SYT9: variants seen among roughly 807,000 people sequenced by gnomAD.
SYT9 encodes synaptotagmin 9.
SYT9 carries 22 observed loss-of-function variants against 48.4 expected under a neutral mutation model. The ratio of observed to expected loss-of-function variants is 0.45; its 90% confidence interval spans 0.32 to 0.65. The LOEUF (loss-of-function observed/expected upper bound fraction) is 0.65, where lower values mean the gene tolerates loss of function less well. Ranked by LOEUF, SYT9 falls within the 30% of genes least tolerant of loss-of-function variation. The pLI, the probability that SYT9 is intolerant of heterozygous loss-of-function variation, is 0.03. For synonymous variants in SYT9, 265 were observed against 245.0 expected (o/e 1.08, Z -0.76); for missense variants, 577 against 622.0 (o/e 0.93, Z 0.77).
At chr11:7,425,227 T>C (rs1211361802) in intron 6 of SYT9, among the ~76,000 whole-genome samples, 1 of 152,212 alleles carries the variant, frequency 6.6e-6, no homozygotes, top group East Asian at 1.9e-4. Context: ...GACCTGGACC[T>C]ACCTCAGCAG....
Position 7,325,426 on chromosome 11 carries a change from T to C in SYT9, c.1044+11485T>C, listed in dbSNP as rs1182901294. Among the ~76,000 whole-genome samples the C allele has an allele frequency of 9.9e-5, 13 of 131,078 alleles. No individual in the cohort carries two copies. In the East Asian group the frequency reaches 2.8e-3, roughly 28 times the overall value. 86.0% of individuals were successfully genotyped at this position (131,078 alleles called of 152,430 possible). A position where few individuals can be genotyped will look rare whatever the true frequency, so the allele number is the denominator to read the frequency against. ...TGGCTCTCTGTTTGTCTGTTGTTGG[T>C]GTATAGGAATGCTTGTGATTTTTGT... On this transcript the variant is annotated intron_variant, in intron 3 of 6. Coordinates refer to ENST00000318881, the MANE Select transcript of SYT9 (RefSeq NM_175733.4).
At chr11:7,281,667 C>T (rs1848494817) in intron 1 of SYT9, among the ~76,000 whole-genome samples, 1 of 152,152 alleles carries the variant, frequency 6.6e-6, no homozygotes, top group South Asian at 2.1e-4. Context: ...AAGTTTGAGA[C>T]TATCTGCCAC....
intron 3 of SYT9, among the ~76,000 whole-genome samples, chr11:7,414,943 G>A (rs970857474): frequency 1.3e-5 from 2 of 152,162 alleles, no homozygotes; most frequent in South Asian, 2.1e-4. Context: ...ACCTCAGCTC[G>A]ATAACCTCAG....
intron 3 of SYT9, among the ~76,000 whole-genome samples, chr11:7,403,962 TAAACATTTAG>T (rs1336248526): frequency 6.6e-6 from 1 of 152,182 alleles, no homozygotes; most frequent in African/African-American, 2.4e-5. Context: ...GTGAGGTGTG[TAAACATTTAG>T]AATTTTTATA....
intron 3 of SYT9, among the ~76,000 whole-genome samples, chr11:7,332,196 A>G (rs925688846): frequency 6.6e-6 from 1 of 152,172 alleles, no homozygotes; most frequent in Non-Finnish European, 1.5e-5. Flanking sequence ...CTGATGCCAC[A>G]AGGAGCTCTG....
rs1029290043 is a variant in SYT9, at chr11:7,295,027, T to C, written c.146-8012T>C. Reference sequence around the variant, plus strand: ...TCTCTGCTGGGGTGGATGATTAAGTTTGTGGTTCATACCTATACTAATCTC... The same window carrying C: ...TCTCTGCTGGGGTGGATGATTAAGTCTGTGGTTCATACCTATACTAATCTC... On this transcript the variant is annotated intron_variant, in intron 1 of 6. Coordinates refer to ENST00000318881, the MANE Select transcript of SYT9 (RefSeq NM_175733.4). Among the ~76,000 whole-genome samples, 40 of 152,242 alleles carry C rather than the reference T, an allele frequency of 2.6e-4. 1 individual carries two copies. The highest frequency in any genetic ancestry group is 5.1e-4 in the Non-Finnish European group (35 of 68,048).
intron 3 of SYT9, among the ~76,000 whole-genome samples, chr11:7,319,707 A>G (rs1437130570): frequency 1.3e-5 from 2 of 152,176 alleles, no homozygotes; most frequent in African/African-American, 4.8e-5. Flanking sequence ...TGTTGGGGAT[A>G]ATATCTGTTT....
At chr11:7,279,955 G>A (rs984572716) in intron 1 of SYT9, among the ~76,000 whole-genome samples, 2 of 152,164 alleles carry the variant, frequency 1.3e-5, no homozygotes, top group African/African-American at 4.8e-5. Context: ...TTTGCATCAG[G>A]TAAAGACCTT....
Position 7,350,015 on chromosome 11 carries a change from G to A in SYT9, c.1044+36074G>A, listed in dbSNP as rs574882238. On this transcript the variant is annotated intron_variant, in intron 3 of 6. Transcript: ENST00000318881. Reference sequence around the variant, plus strand: ...TGCTGCTTTCATCACACTCCACCCTGTGAGTCACTCATGCCAGGGGGGGAC... The same window carrying A: ...TGCTGCTTTCATCACACTCCACCCTATGAGTCACTCATGCCAGGGGGGGAC... Among the ~76,000 whole-genome samples, 111 of 152,286 alleles carry A rather than the reference G, an allele frequency of 7.3e-4. 1 individual carries two copies. The highest frequency in any genetic ancestry group is 2.5e-3 in the African/African-American group (105 of 41,542).
intron 3 of SYT9, among the ~76,000 whole-genome samples, chr11:7,369,782 C>CACACACACAA (rs1589977807): frequency 8.9e-6 from 1 of 111,962 alleles, no homozygotes; most frequent in East Asian, 2.8e-4. Flanking sequence ...ACACACCACA[C>CACACACACAA]ACACACACAC....
At chr11:7,391,735 T>TAAAACAAAAAAAA (rs1846615157) in intron 3 of SYT9, among the ~76,000 whole-genome samples, 1 of 35,940 alleles carries the variant, frequency 2.8e-5, no homozygotes. Context: ...ACCCCATCTC[T>TAAAACAAAAAAAA]AAAAAAAAAA....
chr11:7,283,065 G>A (rs1008273242), intron 1 of SYT9, among the ~76,000 whole-genome samples: 5 of 148,650 alleles, frequency 3.4e-5, no homozygotes, highest in Non-Finnish European at 7.4e-5. Context: ...CTAGTTTTAG[G>A]TTTCTGATAA....
At chr11:7,373,088 A>C (rs1850391871) in intron 3 of SYT9, among the ~76,000 whole-genome samples, 1 of 152,116 alleles carries the variant, frequency 6.6e-6, no homozygotes, top group African/African-American at 2.4e-5. Context: ...GATAAATCCT[A>C]CTTGGCCGAC....
At chr11:7,260,956 G>C (rs148657176) in intron 1 of SYT9, among the ~76,000 whole-genome samples, 11 of 152,272 alleles carry the variant, frequency 7.2e-5, no homozygotes, top group Admixed American at 2.0e-4. Context: ...TAACTATCCA[G>C]TCTGTGGATG....
chr11:7,251,863 C>A (rs550409536), upstream of SYT9: 9 of 240,656 alleles, frequency 3.7e-5, no homozygotes, highest in Admixed American at 2.3e-4. Context: ...GCCCCGCCCC[C>A]CGGCGGCCGC....
intron 2 of SYT9, among the ~76,000 whole-genome samples, chr11:7,312,312 CA>C (rs1392721520): frequency 1.3e-5 from 2 of 152,152 alleles, no homozygotes; most frequent in African/African-American, 4.8e-5. Context: ...AGGGCAAATT[CA>C]AATGTTTACT....
chr11:7,326,569 A>G (rs1849440047), intron 3 of SYT9, among the ~76,000 whole-genome samples: 2 of 151,674 alleles, frequency 1.3e-5, no homozygotes, highest in Non-Finnish European at 2.9e-5. Context: ...GGAAAAAACT[A>G]CTTTAAAGTT....
At chr11:7,274,815 A>T (rs1848357518) in intron 1 of SYT9, among the ~76,000 whole-genome samples, 1 of 152,144 alleles carries the variant, frequency 6.6e-6, no homozygotes, top group South Asian at 2.1e-4. Flanking sequence ...CCCTTACAGG[A>T]TGCAGCAGCC....
At chr11:7,389,574 T>C (rs1850723357) in intron 3 of SYT9, among the ~76,000 whole-genome samples, 1 of 152,112 alleles carries the variant, frequency 6.6e-6, no homozygotes, top group Admixed American at 6.5e-5. Flanking sequence ...TTAATTTATA[T>C]TGTAGGACAT....
Sources: gnomAD v4.1 joint callset for allele counts (sites outside exome capture counted in the v4.1 genomes callset) on GRCh38, gnomAD v4.1.1 for gene constraint, MANE v1.5 for transcripts, NCBI Gene and HGNC (gene_info 2026-07-23, HGNC 2026-07-21) for gene names.